Variants in SPPL3 observed in about 807,000 individuals in gnomAD.
SPPL3 encodes the protein signal peptide peptidase-like 3.
In SPPL3, 5 loss-of-function variants were observed where a neutral mutation model predicts 42.4. The ratio of observed to expected loss-of-function variants is 0.12; its 90% CI spans 0.06 to 0.25. SPPL3 has a LOEUF of 0.25. Ranked by LOEUF, SPPL3 falls within the 10% of genes least tolerant of loss-of-function variation. The pLI, the probability that SPPL3 is intolerant of heterozygous loss-of-function variation, is 1.00. For missense variants in SPPL3, 235 were observed against 489.0 expected, an observed-to-expected ratio of 0.48 and a Z score of 4.90; for synonymous variants, 195 against 181.8, an observed-to-expected ratio of 1.07 and a Z score of -0.58.
chr12:120,782,562 T>G, intron 6 of SPPL3, 93 bp downstream of exon 6: 1 of 972,340 alleles, frequency 1.0e-6, no homozygotes, highest in Non-Finnish European at 1.5e-6. Context: ...AAAAGTTTAT[T>G]GTAGTGATGG....
chr12:120,852,770 T>TCCATATA (rs1474669819), intron 1 of SPPL3, among the ~76,000 whole-genome samples: 3 of 98,320 alleles, frequency 3.1e-5, no homozygotes, highest in African/African-American at 7.4e-5. Context: ...CTATGTATAT[T>TCCATATA]ATATATAAAA....
intron 3 of SPPL3, among the ~76,000 whole-genome samples, chr12:120,787,357 A>C (rs1869755907): frequency 6.6e-6 from 1 of 152,206 alleles, no homozygotes; most frequent in South Asian, 2.1e-4. Context: ...AGGGGTGTAC[A>C]TGGCTTTTTA....
intron 2 of SPPL3, among the ~76,000 whole-genome samples, chr12:120,808,870 AT>A (rs1870588873): frequency 6.6e-6 from 1 of 152,214 alleles, no homozygotes; most frequent in Non-Finnish European, 1.5e-5. Context: ...TCTGTGTTTA[AT>A]TGCAAAGTCC....
chr12:120,768,096 G>GT (rs1465236960), intron 8 of SPPL3, among the ~76,000 whole-genome samples: 16 of 152,346 alleles, frequency 1.1e-4, no homozygotes. Context: ...GGAAACAGCA[G>GT]TAAGGCATGG....
chr12:120,874,452 C>CAAAAAAAAAA (rs71076673), intron 1 of SPPL3, among the ~76,000 whole-genome samples: 3 of 97,430 alleles, frequency 3.1e-5, no homozygotes, highest in Non-Finnish European at 5.8e-5. Context: ...GACCCTGTCG[C>CAAAAAAAAAA]AAAAAAAAAA....
At chr12:120,765,170 T>G in intron 10 of SPPL3, 100 bp from the exon 11 acceptor site, 2 of 1,081,806 alleles carry the variant, frequency 1.8e-6, no homozygotes, top group Non-Finnish European at 2.6e-6. Flanking sequence ...AGGTATGAAG[T>G]CTTCCTATAT....
chr12:120,824,735 G>A (rs547930282), intron 1 of SPPL3, among the ~76,000 whole-genome samples: 49 of 152,108 alleles, frequency 3.2e-4, no homozygotes, highest in African/African-American at 1.2e-3. Context: ...ATGGGGTTTT[G>A]CCATATTACC....
Position 120,782,751 on chromosome 12 carries a change from A to T in SPPL3, c.406T>A (p.Cys136Ser). 6.2e-7 allele frequency: 1 copy of T among 1,606,446 alleles called. No homozygotes were observed. The highest frequency in any genetic ancestry group is 8.5e-7 in the Non-Finnish European group (1 of 1,175,720). The stretch of plus-strand genomic sequence containing the variant: ...AACTCAGCAGCAGTGAAACGTCCAC[A>T]GCAACCAAAGGAAATCCTGGAAAAC... The part of the protein sequence containing the change: ...SPQNKISFGC[C>S]GRFTAAELLS... The change falls in exon 6 of 11, where the codon TGT becomes AGT. Residue 136 changes from cysteine (C) to serine (S), a missense_variant. Around this residue, in one of 6 missense-constraint regions of SPPL3, gnomAD observed 110 missense variants for 186.2 expected, o/e 0.59. Transcript: ENST00000353487.
Position 120,856,503 on chromosome 12 carries a change from CTTTTTT to C in SPPL3, c.24-45623_24-45618del, listed in dbSNP as rs35137934. Among the ~76,000 whole-genome samples the C allele has an allele frequency of 4.6e-3, 410 of 89,204 alleles. 2 individuals carry two copies. The highest frequency in any genetic ancestry group is 0.018 in the African/African-American group (399 of 22,236). 58.5% of individuals were successfully genotyped at this position (89,204 alleles called of 152,430 possible). A position where few individuals can be genotyped will look rare whatever the true frequency, so the allele number is the denominator to read the frequency against. Reference sequence around the variant, plus strand: ...TGGTGTGGAGATGAACAATTTTCATCTTTTTTTTTTTTTTTTTTTTTTTTGAGACAG... The same window carrying C: ...TGGTGTGGAGATGAACAATTTTCATCTTTTTTTTTTTTTTTTTTGAGACAG... On this transcript the variant is annotated intron_variant, in intron 1 of 10. Coordinates refer to ENST00000353487, the MANE Select transcript of SPPL3 (RefSeq NM_139015.5).
intron 1 of SPPL3, among the ~76,000 whole-genome samples, chr12:120,828,264 T>C (rs1871288348): frequency 1.3e-5 from 2 of 151,916 alleles, no homozygotes; most frequent in Non-Finnish European, 2.9e-5. Context: ...TTAGAAAATA[T>C]CTTGAACTGA....
intron 1 of SPPL3, among the ~76,000 whole-genome samples, chr12:120,861,420 T>C (rs1872615596): frequency 6.6e-6 from 1 of 152,208 alleles, no homozygotes; most frequent in South Asian, 2.1e-4. Context: ...GAAAAGGGTG[T>C]TGGCAATAAA....
intron 3 of SPPL3, among the ~76,000 whole-genome samples, chr12:120,790,689 T>C (rs897958172): frequency 6.6e-6 from 1 of 152,250 alleles, no homozygotes; most frequent in Non-Finnish European, 1.5e-5. Context: ...GATATCAAAA[T>C]GATTTCATCT....
chr12:120,843,845 C>G (rs1277675270), intron 1 of SPPL3, among the ~76,000 whole-genome samples: 7 of 152,172 alleles, frequency 4.6e-5, no homozygotes, highest in African/African-American at 1.7e-4. Context: ...ATAACCCCAG[C>G]TACCTGGGAG....
Position 120,904,059 on chromosome 12 carries a change from C to T in SPPL3, c.-192G>A. ...GCCGGGCTCCGAAGCGGCCCCGCTCCCTGGGCCCCGGGGCGGGGCGGGCTC... is the reference window on the plus strand; with the variant it reads ...GCCGGGCTCCGAAGCGGCCCCGCTCTCTGGGCCCCGGGGCGGGGCGGGCTC... On this transcript the variant is annotated 5_prime_UTR_variant, in exon 1 of 11. Coordinates refer to ENST00000353487, the MANE Select transcript of SPPL3 (RefSeq NM_139015.5). 1 of 357,078 alleles carries T rather than the reference C, an allele frequency of 2.8e-6. No homozygotes were observed. The highest frequency in any genetic ancestry group is 1.3e-4 in the South Asian group (1 of 7,846). The allele number at this position is 357,078 out of a possible 1,614,324, so 22.1% of individuals were successfully genotyped here.
chr12:120,808,545 C>T (rs1414397772), intron 2 of SPPL3, among the ~76,000 whole-genome samples: 1 of 152,186 alleles, frequency 6.6e-6, no homozygotes, highest in South Asian at 2.1e-4. Flanking sequence ...ATTTCATACT[C>T]TCTGTCGAAG....
chr12:120,775,922 A>G (rs991109277), intron 6 of SPPL3, among the ~76,000 whole-genome samples: 7 of 152,216 alleles, frequency 4.6e-5, no homozygotes, highest in African/African-American at 1.7e-4. Flanking sequence ...CCCAGCCACC[A>G]AATATCACTG....
At chr12:120,797,837 A>G (rs952294550) in intron 2 of SPPL3, among the ~76,000 whole-genome samples, 1 of 152,100 alleles carries the variant, frequency 6.6e-6, no homozygotes, top group African/African-American at 2.4e-5. Context: ...TCCCACCTCT[A>G]TGACTCAAAA....
At chr12:120,818,869 T>C (rs1055932828) in intron 1 of SPPL3, among the ~76,000 whole-genome samples, 3 of 150,608 alleles carry the variant, frequency 2.0e-5, no homozygotes, top group Admixed American at 1.4e-4. Flanking sequence ...ATAAATAACA[T>C]TTTTTAAAGG....
intron 3 of SPPL3, among the ~76,000 whole-genome samples, chr12:120,786,693 T>C (rs1219471800): frequency 6.6e-6 from 1 of 152,126 alleles, no homozygotes; most frequent in Non-Finnish European, 1.5e-5. Flanking sequence ...CAGGAGGCGA[T>C]GTCACAGGGC....
Sources: allele counts gnomAD v4.1 joint callset (sites outside exome capture counted in the v4.1 genomes callset), GRCh38; gene constraint gnomAD v4.1.1; regional missense constraint gnomAD v4.1.1; transcripts MANE v1.5; gene names NCBI Gene and HGNC (gene_info 2026-07-23, HGNC 2026-07-21).